The following PVT1 variants were observed in gnomAD, a reference collection of about 807,000 sequenced individuals.
PVT1 encodes the protein CXCR4/PVT1 fusion.
At chr8:128,036,156 GTTC>G (rs1466344083) in intron 4 of PVT1, among the ~76,000 whole-genome samples, 2 of 152,196 alleles carry the variant, frequency 1.3e-5, no homozygotes, top group African/African-American at 2.4e-5. Flanking sequence ...TTTGGTTCAA[GTTC>G]ACGTTCACCT....
intron 3 of PVT1, among the ~76,000 whole-genome samples, chr8:127,961,672 A>G (rs1816644412): frequency 6.6e-6 from 1 of 152,242 alleles, no homozygotes; most frequent in Admixed American, 6.5e-5. Flanking sequence ...CCTGTTACCC[A>G]TACACATTAC....
intron 2 of PVT1, among the ~76,000 whole-genome samples, chr8:127,869,934 G>A (rs1229885213): frequency 4.6e-5 from 7 of 152,152 alleles, no homozygotes; most frequent in Non-Finnish European, 1.0e-4. Flanking sequence ...CGTCCGAGTA[G>A]CTGAGATTAC....
intron 3 of PVT1, among the ~76,000 whole-genome samples, chr8:127,926,241 G>A (rs1294334744): frequency 1.3e-5 from 2 of 152,196 alleles, no homozygotes; most frequent in African/African-American, 4.8e-5. Context: ...GGTGACTGCA[G>A]GAAATGTTAA....
chr8:128,060,072 T>C (rs928874382), intron 4 of PVT1, among the ~76,000 whole-genome samples: 3 of 152,118 alleles, frequency 2.0e-5, no homozygotes, highest in Non-Finnish European at 4.4e-5. Flanking sequence ...CTGGCTAACA[T>C]GGTGAAACCC....
chr8:127,859,726 T>A (rs565174931), intron 2 of PVT1, among the ~76,000 whole-genome samples: 1 of 151,854 alleles, frequency 6.6e-6, no homozygotes, highest in African/African-American at 2.4e-5. Context: ...GGCTTTAGAG[T>A]CACCTGGGGT....
In PVT1 at chr8:127,833,794, A is replaced by T. The variant is rs530464458; in HGVS notation, n.372+37723A>T. ...ATTGGCTCTGCCTGGCTCCAGAGGG[A>T]TATGAAGCCATTCCTGGGGGACACC... On this transcript the variant is annotated intron_variant and non_coding_transcript_variant, in intron 2 of 10. Coordinates refer to ENST00000651587, the Ensembl canonical transcript of PVT1. 1.5e-4 allele frequency among the ~76,000 whole-genome samples: 23 copies of T among 152,224 alleles called. 3 individuals carry two copies. In the South Asian group the frequency reaches 3.7e-3, roughly 25 times the overall value.
chr8:128,018,652 C>A (rs913799148), intron 4 of PVT1, among the ~76,000 whole-genome samples: 5 of 152,230 alleles, frequency 3.3e-5, no homozygotes, highest in Admixed American at 3.3e-4. Flanking sequence ...TTCAGCTCGT[C>A]TGTGACCTAG....
intron 3 of PVT1, chr8:127,947,948 G>A: frequency 4.4e-6 from 2 of 456,972 alleles, no homozygotes; most frequent in Admixed American, 2.4e-5. Context: ...CAAAGTGACA[G>A]CTTTTCTGCA....
intron 4 of PVT1, among the ~76,000 whole-genome samples, chr8:128,015,665 C>T (rs925942188): frequency 2.0e-5 from 3 of 148,792 alleles, no homozygotes; most frequent in Non-Finnish European, 4.4e-5. Context: ...TTCAGCTATT[C>T]GGGAGGCTGA....
chr8:127,815,978 G>A (rs1022716247), intron 2 of PVT1, among the ~76,000 whole-genome samples: 17 of 152,236 alleles, frequency 1.1e-4, no homozygotes, highest in African/African-American at 4.1e-4. Flanking sequence ...ACAAAAATTA[G>A]CTGGGCTTGG....
chr8:127,937,093 G>C (rs1442054310), intron 3 of PVT1, among the ~76,000 whole-genome samples: 1 of 152,162 alleles, frequency 6.6e-6, no homozygotes. Context: ...TCATCCACTG[G>C]GTGATTACCT....
intron 3 of PVT1, among the ~76,000 whole-genome samples, chr8:127,984,989 T>C (rs1194612142): frequency 9.2e-6 from 1 of 109,190 alleles, no homozygotes; most frequent in Non-Finnish European, 1.9e-5. Flanking sequence ...CTTTCTTTCT[T>C]TCTCTTTCCT....
intron 2 of PVT1, among the ~76,000 whole-genome samples, chr8:127,863,331 C>T (rs184608660): frequency 6.2e-4 from 94 of 152,170 alleles, no homozygotes; most frequent in African/African-American, 2.0e-3. Context: ...AGGCTGGTCT[C>T]GAACTCCTGA....
At chr8:127,971,357 G>C (rs558563704) in intron 3 of PVT1, among the ~76,000 whole-genome samples, 93 of 152,362 alleles carry the variant, frequency 6.1e-4, no homozygotes, top group Non-Finnish European at 1.1e-3. Context: ...CTGGGCCTCT[G>C]CAGGAGACGG....
At chr8:127,957,773 G>T (rs566450000) in intron 3 of PVT1, among the ~76,000 whole-genome samples, 1 of 152,202 alleles carries the variant, frequency 6.6e-6, no homozygotes, top group South Asian at 2.1e-4. Context: ...CTTGTGCTGC[G>T]CAGCTGATAG....
intron 5 of PVT1, among the ~76,000 whole-genome samples, chr8:128,083,201 G>C (rs367560723): frequency 6.6e-6 from 1 of 152,218 alleles, no homozygotes; most frequent in Non-Finnish European, 1.5e-5. Context: ...AAGGATAATA[G>C]TGATACTGAA....
At position 128,065,340 on chromosome 8, in the gene PVT1, C is replaced by T. The variant is rs183802563; in HGVS notation, n.913-4820C>T. Among the ~76,000 whole-genome samples, 433 of 152,210 alleles carry T rather than the reference C, an allele frequency of 2.8e-3. 2 individuals are homozygous for T. Among genetic ancestry groups the T allele is most frequent in the African/African-American group, 9.9e-3 (410 of 41,524 alleles). On this transcript the variant is annotated intron_variant and non_coding_transcript_variant, in intron 4 of 10. Coordinates refer to ENST00000651587, the Ensembl canonical transcript of PVT1. Reference sequence around the variant, plus strand: ...CAGAGTAGCTGGGATTACAGGCACACGCCACCACGCCTGGTTAATTTTTGT... The same window carrying T: ...CAGAGTAGCTGGGATTACAGGCACATGCCACCACGCCTGGTTAATTTTTGT...
chr8:127,951,755 T>C (rs752819050), intron 3 of PVT1, among the ~76,000 whole-genome samples: 1 of 152,026 alleles, frequency 6.6e-6, no homozygotes, highest in Non-Finnish European at 1.5e-5. Flanking sequence ...AGCCCAGGGT[T>C]GATCCCAAAG....
At chr8:128,017,929 C>A (rs1442972728) in intron 4 of PVT1, among the ~76,000 whole-genome samples, 1 of 152,196 alleles carries the variant, frequency 6.6e-6, no homozygotes, top group Non-Finnish European at 1.5e-5. Flanking sequence ...AGATGGAATG[C>A]CAGCACATCT....
Sources: gnomAD v4.1 joint callset for allele counts (sites outside exome capture counted in the v4.1 genomes callset) on GRCh38, gnomAD v4.1.1 for gene constraint, MANE v1.5 for transcripts, NCBI Gene and HGNC (gene_info 2026-07-23, HGNC 2026-07-21) for gene names.